The following PALLD variants were observed in gnomAD, a reference collection of about 807,000 sequenced individuals.
PALLD encodes the protein palladin.
In PALLD, 61 loss-of-function variants were observed where a neutral mutation model predicts 123.5. The ratio of observed to expected loss-of-function variants is 0.49; its 90% CI spans 0.40 to 0.61. PALLD has a LOEUF of 0.61. Ranked by LOEUF, PALLD falls within the 20% of genes least tolerant of loss-of-function variation. The pLI, the probability that PALLD is intolerant of heterozygous loss-of-function variation, is 0.00. For synonymous variants in PALLD, 465 were observed against 496.4 expected (o/e 0.94, Z 0.84); for missense variants, 1,273 against 1,377.0 (o/e 0.92, Z 1.20).
chr4:168,782,864 G>A (rs1331440708), intron 10 of PALLD, among the ~76,000 whole-genome samples: 8 of 151,970 alleles, frequency 5.3e-5, no homozygotes, highest in African/African-American at 9.7e-5. Flanking sequence ...GCAGTGAGCC[G>A]AGATCGCACC....
intron 2 of PALLD, among the ~76,000 whole-genome samples, chr4:168,614,338 GA>G (rs1420535847): frequency 1.3e-5 from 2 of 152,206 alleles, no homozygotes; most frequent in African/African-American, 4.8e-5. Flanking sequence ...CTGCGCTAGG[GA>G]GACCCTTGTG....
At chr4:168,663,370 G>T (rs181805800) in intron 2 of PALLD, among the ~76,000 whole-genome samples, 4 of 152,320 alleles carry the variant, frequency 2.6e-5, no homozygotes, top group Non-Finnish European at 1.5e-5. Flanking sequence ...AAAGGGATAG[G>T]TGAGGCAAGG....
chr4:168,520,030 G>A (rs1427536145), intron 2 of PALLD, among the ~76,000 whole-genome samples: 1 of 152,040 alleles, frequency 6.6e-6, no homozygotes, highest in Non-Finnish European at 1.5e-5. Flanking sequence ...AAATTCATAA[G>A]AGAATGGCAC....
intron 16 of PALLD, 106 bp from the exon 17 acceptor site, chr4:168,915,789 G>A: frequency 1.2e-6 from 1 of 859,208 alleles, no homozygotes; most frequent in Non-Finnish European, 1.9e-6. Flanking sequence ...GATCAGATAA[G>A]GAAATCATAT....
chr4:168,788,924 T>C (rs1737127561), intron 10 of PALLD, among the ~76,000 whole-genome samples: 1 of 152,156 alleles, frequency 6.6e-6, no homozygotes, highest in African/African-American at 2.4e-5. Context: ...ATCAAAAGAA[T>C]AGAACCTTGC....
intron 10 of PALLD, among the ~76,000 whole-genome samples, chr4:168,870,255 C>T (rs1480140414): frequency 1.3e-5 from 2 of 152,132 alleles, no homozygotes; most frequent in Non-Finnish European, 2.9e-5. Flanking sequence ...CAACTCTAGC[C>T]CCATAGAAAC....
intron 2 of PALLD, among the ~76,000 whole-genome samples, chr4:168,645,272 C>T (rs1777334358): frequency 6.6e-6 from 1 of 152,102 alleles, no homozygotes; most frequent in South Asian, 2.1e-4. Context: ...GAGACAACAC[C>T]TATGGTATGT....
chr4:168,559,344 T>A (rs1281628789), intron 2 of PALLD, among the ~76,000 whole-genome samples: 1 of 152,074 alleles, frequency 6.6e-6, no homozygotes, highest in Non-Finnish European at 1.5e-5. Context: ...AAAAGAAGGA[T>A]CATTAAAGGT....
intron 2 of PALLD, among the ~76,000 whole-genome samples, chr4:168,620,453 T>TA (rs955195244): frequency 1.3e-5 from 2 of 151,782 alleles, no homozygotes; most frequent in African/African-American, 2.4e-5. Flanking sequence ...AGATGCTGTC[T>TA]AAAAAAACAA....
intron 2 of PALLD, among the ~76,000 whole-genome samples, chr4:168,649,702 G>C (rs1777838572): frequency 6.6e-6 from 1 of 151,956 alleles, no homozygotes; most frequent in Non-Finnish European, 1.5e-5. Context: ...ATAAAATATG[G>C]GTATAAAAGA....
intron 2 of PALLD, among the ~76,000 whole-genome samples, chr4:168,525,196 G>A (rs537035165): frequency 6.6e-6 from 1 of 152,112 alleles, no homozygotes; most frequent in Non-Finnish European, 1.5e-5. Flanking sequence ...CCACACTTTA[G>A]TTCAAGTGAC....
rs370994860 is a variant in PALLD, at chr4:168,906,769, C to T, written c.2622+2863C>T. On this transcript the variant is annotated intron_variant, in intron 15 of 21. Transcript: ENST00000505667. Reference sequence around the variant, plus strand: ...CCTCCCAAAGCACTGGAATTACAAGCGTGAGCCACTGCCATTAGCCAAAAA... The same window carrying T: ...CCTCCCAAAGCACTGGAATTACAAGTGTGAGCCACTGCCATTAGCCAAAAA... Among the ~76,000 whole-genome samples, 11 of 152,102 alleles carry T rather than the reference C, an allele frequency of 7.2e-5. No homozygotes were observed. The East Asian group carries it at 1.2e-3, about 16-fold the overall frequency.
chr4:168,773,783 C>T (rs1012932827), intron 10 of PALLD, among the ~76,000 whole-genome samples: 6 of 152,128 alleles, frequency 3.9e-5, no homozygotes, highest in Non-Finnish European at 8.8e-5. Context: ...GGCCTCCCCA[C>T]CCACCTCGCC....
At chr4:168,889,168 T>TGTGTGTGG (rs1553968222) in intron 10 of PALLD, among the ~76,000 whole-genome samples, 2 of 28,258 alleles carry the variant, frequency 7.1e-5, no homozygotes, top group South Asian at 2.6e-3. Context: ...GTGTGTGTGG[T>TGTGTGTGG]TTTTTTTTTT....
At chr4:168,783,749 G>T (rs1434358633) in intron 10 of PALLD, among the ~76,000 whole-genome samples, 1 of 152,198 alleles carries the variant, frequency 6.6e-6, no homozygotes, top group Non-Finnish European at 1.5e-5. Flanking sequence ...GGAGGTAGAG[G>T]TGGGGATTGG....
At chr4:168,900,303 T>C (rs1265947843) in intron 14 of PALLD, among the ~76,000 whole-genome samples, 4 of 152,084 alleles carry the variant, frequency 2.6e-5, no homozygotes, top group African/African-American at 7.2e-5. Flanking sequence ...TTAAGAGTCA[T>C]AGTACAAGAA....
intron 2 of PALLD, among the ~76,000 whole-genome samples, chr4:168,646,752 A>C (rs1777497284): frequency 6.6e-6 from 1 of 152,370 alleles, no homozygotes; most frequent in South Asian, 2.1e-4. Context: ...AAAATAGAGA[A>C]TATCTTAGCC....
At chr4:168,761,641 G>GTTT (rs1230404942) in intron 10 of PALLD, among the ~76,000 whole-genome samples, 9 of 11,636 alleles carry the variant, frequency 7.7e-4, no homozygotes, top group African/African-American at 1.3e-3. Flanking sequence ...TGTTGTTGTT[G>GTTT]TTTGTTTTTT....
chr4:168,883,275 CAG>C (rs1309858633), intron 10 of PALLD, among the ~76,000 whole-genome samples: 5 of 152,046 alleles, frequency 3.3e-5, no homozygotes, highest in Admixed American at 3.3e-4. Context: ...AAAAGGAAAA[CAG>C]AATTGATATA....
Sources: allele counts gnomAD v4.1 joint callset (sites outside exome capture counted in the v4.1 genomes callset), GRCh38; gene constraint gnomAD v4.1.1; transcripts MANE v1.5; gene names NCBI Gene and HGNC (gene_info 2026-07-23, HGNC 2026-07-21).